The following E2F3 variants were observed in gnomAD, a reference collection of about 807,000 sequenced individuals.
The protein encoded by E2F3 is transcription factor E2F3.
E2F3 carries 11 observed loss-of-function variants against 44.4 expected under a neutral mutation model. The ratio of observed to expected loss-of-function variants is 0.25; its 90% confidence interval spans 0.16 to 0.41. The LOEUF is 0.41. Among genes scored for constraint, E2F3 ranks in the 10% least tolerant of loss-of-function variants. The pLI is 1.00. For synonymous variants in E2F3, 249 were observed against 253.0 expected, an observed-to-expected ratio of 0.98 and a Z score of 0.15; for missense variants, 487 against 583.6, an observed-to-expected ratio of 0.83 and a Z score of 1.70.
chr6:20,454,022 C>G (rs949312517), intron 1 of E2F3, among the ~76,000 whole-genome samples: 17 of 152,314 alleles, frequency 1.1e-4, no homozygotes, highest in South Asian at 1.0e-3. Flanking sequence ...CCTCTTGGCA[C>G]AATTCTCAAG....
chr6:20,447,693 T>C (rs1760995657), intron 1 of E2F3, among the ~76,000 whole-genome samples: 3 of 152,174 alleles, frequency 2.0e-5, no homozygotes, highest in Middle Eastern at 3.2e-3. Flanking sequence ...GGCTGTGAAG[T>C]CATTTTGTCC....
intron 1 of E2F3, among the ~76,000 whole-genome samples, chr6:20,458,556 G>C (rs1448930611): frequency 6.6e-6 from 1 of 152,092 alleles, no homozygotes; most frequent in African/African-American, 2.4e-5. Flanking sequence ...ATTCTTGGTT[G>C]TTTTTAAGAA....
At chr6:20,411,692 C>A (rs1759678765) in intron 1 of E2F3, among the ~76,000 whole-genome samples, 1 of 152,204 alleles carries the variant, frequency 6.6e-6, no homozygotes, top group Non-Finnish European at 1.5e-5. Flanking sequence ...CACCTTACTC[C>A]TTTTGTTGCC....
chr6:20,472,412 C>T (rs1479404302), intron 1 of E2F3, among the ~76,000 whole-genome samples: 2 of 152,006 alleles, frequency 1.3e-5, no homozygotes, highest in East Asian at 3.9e-4. Flanking sequence ...CTGTGCTGAA[C>T]GTGGAGGCTC....
At chr6:20,456,095 C>T (rs535788624) in intron 1 of E2F3, among the ~76,000 whole-genome samples, 1 of 152,040 alleles carries the variant, frequency 6.6e-6, no homozygotes, top group South Asian at 2.1e-4. Context: ...TTAGCTTTTG[C>T]CAGGTTCCGG....
chr6:20,488,260 A>C lies in E2F3; in HGVS notation c.1135+12A>C, dbSNP rs751674575. ...ACCCGCTTCCAAAGGTAAAAACTCC[A>C]CTTTTGTCTTTTAGAAACTATGTTA... On this transcript the variant is annotated intron_variant, in intron 6 of 6. Coordinates refer to ENST00000346618, the MANE Select transcript of E2F3 (RefSeq NM_001949.5). 1.3e-6 allele frequency: 2 copies of C among 1,573,406 alleles called. No homozygotes were observed. Among genetic ancestry groups the C allele is most frequent in the Non-Finnish European group, 8.6e-7 (1 of 1,167,162 alleles).
intron 1 of E2F3, among the ~76,000 whole-genome samples, chr6:20,413,105 C>T (rs1213927967): frequency 2.0e-5 from 3 of 152,220 alleles, no homozygotes; most frequent in Admixed American, 1.3e-4. Context: ...CCCAAGGAGC[C>T]TGGCTCCATA....
At chr6:20,439,410 CTTTAT>C (rs1760699187) in intron 1 of E2F3, among the ~76,000 whole-genome samples, 1 of 152,096 alleles carries the variant, frequency 6.6e-6, no homozygotes, top group Non-Finnish European at 1.5e-5. Context: ...TTGTTTGTTT[CTTTAT>C]TTTATTTATT....
intron 1 of E2F3, among the ~76,000 whole-genome samples, chr6:20,418,886 A>G (rs1409504210): frequency 6.6e-6 from 1 of 150,398 alleles, no homozygotes; most frequent in Non-Finnish European, 1.5e-5. Flanking sequence ...CCTGCTTATT[A>G]TTTTTTTAAA....
chr6:20,469,762 G>A (rs928850418), intron 1 of E2F3, among the ~76,000 whole-genome samples: 2 of 152,138 alleles, frequency 1.3e-5, no homozygotes, highest in Admixed American at 6.5e-5. Flanking sequence ...ATGGGGATAC[G>A]GTTGGAGTTT....
chr6:20,478,177 C>A (rs1215232366), intron 1 of E2F3, among the ~76,000 whole-genome samples: 2 of 152,032 alleles, frequency 1.3e-5, no homozygotes, highest in Non-Finnish European at 2.9e-5. Context: ...CCAGCCTGGG[C>A]GGCAGAGCAA....
intron 1 of E2F3, among the ~76,000 whole-genome samples, chr6:20,462,937 TC>T (rs1761572966): frequency 8.2e-6 from 1 of 122,326 alleles, no homozygotes; most frequent in Admixed American, 1.1e-4. Context: ...GGACTCAAAC[TC>T]CTGAGCTCAA....
Position 20,491,976 on chromosome 6 carries a change from G to A in E2F3, c.*1546G>A, listed in dbSNP as rs139667103. The A allele has an allele frequency of 0.011, 1,986 of 186,006 alleles. 44 individuals are homozygous for A. The highest frequency in any genetic ancestry group is 0.043 in the African/African-American group (1,834 of 42,782). 11.5% of individuals were successfully genotyped at this position (186,006 alleles called of 1,614,324 possible). ...GGCCATCTCCCACTGGGAATATGGC[G>A]TAGTATCTCCGGTCCATTCCTTGGA... is the stretch of plus-strand genomic sequence containing the variant. On this transcript the variant is annotated 3_prime_UTR_variant, in exon 7 of 7. Transcript: ENST00000346618.
chr6:20,424,642 T>C (rs1457719615), intron 1 of E2F3, among the ~76,000 whole-genome samples: 1 of 152,178 alleles, frequency 6.6e-6, no homozygotes, highest in African/African-American at 2.4e-5. Context: ...TTACTTGCAT[T>C]TTTACAAATT....
intron 1 of E2F3, among the ~76,000 whole-genome samples, chr6:20,417,593 A>T (rs1394964067): frequency 2.1e-5 from 3 of 142,662 alleles, no homozygotes; most frequent in African/African-American, 5.5e-5. Context: ...GGATTTAAAA[A>T]AAAAAAAAAA....
chr6:20,420,535 A>C (rs1328750184), intron 1 of E2F3, among the ~76,000 whole-genome samples: 1 of 152,204 alleles, frequency 6.6e-6, no homozygotes, highest in Non-Finnish European at 1.5e-5. Context: ...AGCAAATGTC[A>C]CAATAAAGCA....
chr6:20,413,644 A>G (rs542238051), intron 1 of E2F3, among the ~76,000 whole-genome samples: 272 of 152,328 alleles, frequency 1.8e-3, no homozygotes, highest in African/African-American at 6.4e-3. Context: ...GCCAGGCACC[A>G]GCACCAGCTG....
At chr6:20,434,739 C>T (rs1042797273) in intron 1 of E2F3, among the ~76,000 whole-genome samples, 1 of 152,188 alleles carries the variant, frequency 6.6e-6, no homozygotes, top group Non-Finnish European at 1.5e-5. Flanking sequence ...CTTCCTTGCC[C>T]TGACATCCCC....
At chr6:20,426,100 A>G (rs764815500) in intron 1 of E2F3, among the ~76,000 whole-genome samples, 5 of 152,232 alleles carry the variant, frequency 3.3e-5, no homozygotes, top group Admixed American at 6.5e-5. Flanking sequence ...GCAAATTTAA[A>G]TATCTAATAC....
Sources: gnomAD v4.1 joint callset for allele counts (sites outside exome capture counted in the v4.1 genomes callset) on GRCh38, gnomAD v4.1.1 for gene constraint, MANE v1.5 for transcripts, NCBI Gene and HGNC (gene_info 2026-07-23, HGNC 2026-07-21) for gene names.